The following C3orf33 variants were observed in gnomAD, a reference collection of about 807,000 sequenced individuals.
C3orf33 encodes AP-1 activity suppressor.
Under a neutral mutation model 28.7 loss-of-function variants are expected in C3orf33, and 23 were observed. The observed-to-expected ratio is 0.80, with a 90% CI of 0.58 to 1.13. The LOEUF (loss-of-function observed/expected upper bound fraction) is 1.13. C3orf33 is among the 50% of genes most tolerant of loss of function. The pLI is 0.00. For missense variants in C3orf33, 327 were observed against 353.4 expected, an observed-to-expected ratio of 0.93 and a Z score of 0.60; for synonymous variants, 119 against 120.5, an observed-to-expected ratio of 0.99 and a Z score of 0.08.
rs563311872 is a variant in C3orf33 at position 155,765,480 on chromosome 3, T to A, written c.484-1562A>T. Among the ~76,000 whole-genome samples the A allele has an allele frequency of 2.0e-5, 3 of 152,344 alleles. No individual in the cohort carries two copies. The South Asian group carries it at 6.2e-4, about 32-fold the overall frequency. On this transcript the variant is annotated intron_variant, in intron 4 of 4. Coordinates refer to ENST00000340171, the MANE Select transcript of C3orf33 (RefSeq NM_001308229.2). ...ATACTCTTTAACTTAAAAGCTAATA[T>A]TTTTGTAAGGCCTTTAGGATGTTTT...
chr3:155,787,676 CTATT>C (rs1751168674), intron 2 of C3orf33, among the ~76,000 whole-genome samples: 1 of 150,690 alleles, frequency 6.6e-6, no homozygotes, highest in Admixed American at 6.6e-5. Context: ...TTTGTTTTAT[CTATT>C]TATTTTTTTT....
chr3:155,789,344 C>A (rs370264743), intron 2 of C3orf33, among the ~76,000 whole-genome samples: 941 of 111,618 alleles, frequency 8.4e-3, no homozygotes, highest in East Asian at 0.013. Context: ...GACTCTGTCT[C>A]AAAAAAAAAA....
Position 155,778,141 on chromosome 3 carries a change from C to CAA in C3orf33, c.175-2295_175-2294dup, listed in dbSNP as rs55700532. 3.7e-3 allele frequency among the ~76,000 whole-genome samples: 277 copies of CAA among 75,692 alleles called. 18 individuals are homozygous for CAA. Among genetic ancestry groups the CAA allele is most frequent in the Middle Eastern group, 0.01 (1 of 98 alleles). 49.7% of individuals were successfully genotyped at this position (75,692 alleles called of 152,430 possible). On this transcript the variant is annotated intron_variant, in intron 2 of 4. Coordinates refer to ENST00000340171, the MANE Select transcript of C3orf33 (RefSeq NM_001308229.2). ...CTCCAGCCTGAGTGAAACTCCATTT[C>CAA]AAAAAAAAAAAAAAAAAAAAAACAA... is the stretch of plus-strand genomic sequence containing the variant.
chr3:155,803,437 C>A (rs1056158518), intron 1 of C3orf33, among the ~76,000 whole-genome samples: 2 of 151,396 alleles, frequency 1.3e-5, no homozygotes, highest in Admixed American at 6.6e-5. Flanking sequence ...TGGTGGTGGG[C>A]GCCTGTAGTC....
In C3orf33 at chr3:155,763,825, T is replaced by C. The variant is rs1210611982; in HGVS notation, c.577A>G (p.Ile193Val). ...LVKGLKYDSK[I>V]YWTVHRNLLK... ...AAGTTTCTGTGAACTGTCCAGTAGA[T>C]TTTAGAATCATATTTAAGCCCTTTA... The change falls in exon 5 of 5, where the codon ATC (isoleucine) becomes GTC (valine). Residue 193 changes from isoleucine (I) to valine (V), a missense_variant. By Grantham distance (29) the Ile-to-Val change is conservative. Transcript: ENST00000340171. 1 of 1,579,738 alleles carries C rather than the reference T, an allele frequency of 6.3e-7. No individual in the cohort carries two copies. Among genetic ancestry groups the C allele is most frequent in the Non-Finnish European group, 8.6e-7 (1 of 1,168,396 alleles).
At chr3:155,774,226 A>G (rs1019118064) in intron 3 of C3orf33, among the ~76,000 whole-genome samples, 1 of 152,228 alleles carries the variant, frequency 6.6e-6, no homozygotes, top group Non-Finnish European at 1.5e-5. Context: ...TCAGGGGCTC[A>G]CAGTTCAGTA....
chr3:155,790,804 A>G (rs1751292518), intron 2 of C3orf33, among the ~76,000 whole-genome samples: 1 of 152,220 alleles, frequency 6.6e-6, no homozygotes, highest in African/African-American at 2.4e-5. Flanking sequence ...CATTCATGCC[A>G]GCAGTCACAA....
chr3:155,800,610 C>CAAAAAAAAAAAA lies in C3orf33; in HGVS notation c.174+1910_174+1921dup. ...GGTCAACAGAGTGAGACCTTATCTC[C>CAAAAAAAAAAAA]AAAAAAAAAAAAAAAAAAAAAAAAA... On this transcript the variant is annotated intron_variant, in intron 2 of 4. Coordinates refer to ENST00000340171, the MANE Select transcript of C3orf33 (RefSeq NM_001308229.2). 1.5e-3 allele frequency among the ~76,000 whole-genome samples: 24 copies of CAAAAAAAAAAAA among 15,634 alleles called. 2 individuals carry two copies. The highest frequency in any genetic ancestry group is 1.8e-3 in the Non-Finnish European group (15 of 8,112). 10.3% of individuals were successfully genotyped at this position (15,634 alleles called of 152,430 possible). A position where few individuals can be genotyped will look rare whatever the true frequency, so the allele number is the denominator to read the frequency against.
intron 2 of C3orf33, 39 bp downstream of exon 2, chr3:155,802,493 T>TAC (rs780530303): frequency 3.4e-6 from 5 of 1,484,076 alleles, no homozygotes; most frequent in Non-Finnish European, 4.7e-6. Context: ...ATAAACTACC[T>TAC]ACGGCTTGTT....
chr3:155,795,959 A>AAAT (rs553905319), intron 2 of C3orf33, among the ~76,000 whole-genome samples: 4 of 152,100 alleles, frequency 2.6e-5, no homozygotes, highest in South Asian at 2.1e-4. Context: ...CCATCTAAAA[A>AAAT]AATAATAATA....
At chr3:155,787,348 T>A (rs937868945) in intron 2 of C3orf33, among the ~76,000 whole-genome samples, 1 of 4,610 alleles carries the variant, frequency 2.2e-4, no homozygotes, top group East Asian at 0.022. Context: ...ACAGGTATGC[T>A]TTTTTTTTTT....
At chr3:155,801,599 G>A (rs1364216175) in intron 2 of C3orf33, among the ~76,000 whole-genome samples, 1 of 151,840 alleles carries the variant, frequency 6.6e-6, no homozygotes, top group African/African-American at 2.4e-5. Context: ...GTAATACCAG[G>A]CTAAGTGAAA....
At chr3:155,772,770 C>CTGTGTGTGTGTGTGTG (rs1406983545) in intron 3 of C3orf33, among the ~76,000 whole-genome samples, 1 of 84,382 alleles carries the variant, frequency 1.2e-5, no homozygotes, top group African/African-American at 4.3e-5. Context: ...AATTTTTAGG[C>CTGTGTGTGTGTGTGTG]TCTGTGTGTG....
chr3:155,784,529 C>T (rs924623614), intron 2 of C3orf33, among the ~76,000 whole-genome samples: 1 of 151,900 alleles, frequency 6.6e-6, no homozygotes, highest in Admixed American at 6.6e-5. Context: ...CACTTGAGGC[C>T]AGGAGTTCGA....
chr3:155,771,606 G>A (rs1750595651), intron 3 of C3orf33, among the ~76,000 whole-genome samples: 2 of 152,232 alleles, frequency 1.3e-5, no homozygotes, highest in South Asian at 4.2e-4. Context: ...AATGTTGCCA[G>A]GGCTGGTCTC....
chr3:155,787,081 G>A (rs940766795), intron 2 of C3orf33, among the ~76,000 whole-genome samples: 37 of 152,108 alleles, frequency 2.4e-4, no homozygotes, highest in African/African-American at 8.9e-4. Flanking sequence ...CAGTCTATGA[G>A]GCCAGCATTA....
intron 1 of C3orf33, chr3:155,805,687 T>C (rs1009085965): frequency 2.2e-6 from 1 of 455,696 alleles, no homozygotes; most frequent in African/African-American, 2.0e-5. Context: ...ATCGTGCCAC[T>C]GCACTCCAGC....
At chr3:155,792,943 T>C (rs13061403) in intron 2 of C3orf33, among the ~76,000 whole-genome samples, 87,880 of 151,764 alleles carry the variant, frequency 0.58, 25,844 homozygotes, top group Middle Eastern at 0.7. Flanking sequence ...ACGTACAAAA[T>C]CTAGAGAAAG....
At chr3:155,798,063 T>A (rs1210668684) in intron 2 of C3orf33, among the ~76,000 whole-genome samples, 1 of 133,484 alleles carries the variant, frequency 7.5e-6, no homozygotes, top group Non-Finnish European at 1.6e-5. Flanking sequence ...AGGGCAAGTG[T>A]CTGTCTCAAA....
Sources: gnomAD v4.1 joint callset for allele counts (sites outside exome capture counted in the v4.1 genomes callset) on GRCh38, gnomAD v4.1.1 for gene constraint, MANE v1.5 for transcripts, NCBI Gene and HGNC (gene_info 2026-07-23, HGNC 2026-07-21) for gene names.